The following RORB variants were observed in gnomAD, a reference collection of about 807,000 sequenced individuals.
The protein encoded by RORB is RAR related orphan receptor B, also known as nuclear receptor ROR-beta.
In RORB, 6 loss-of-function variants were observed where a neutral mutation model predicts 59.1. The observed-to-expected ratio is 0.10, with a 90% CI of 0.06 to 0.20. RORB has a LOEUF of 0.20. Among genes scored for constraint, RORB ranks in the 10% least tolerant of loss-of-function variants. The probability of loss-of-function intolerance (pLI) is 1.00; values close to 1 mark genes in which losing one functional copy is unlikely to be tolerated. For synonymous variants in RORB, 215 were observed against 204.5 expected (o/e 1.05, Z -0.44); for missense variants, 320 against 560.5 (o/e 0.57, Z 4.33).
intron 1 of RORB, among the ~76,000 whole-genome samples, chr9:74,600,191 A>C (rs1823033224): frequency 6.6e-6 from 1 of 152,212 alleles, no homozygotes; most frequent in Non-Finnish European, 1.5e-5. Context: ...GACTTGTAAA[A>C]GACTAATTCA....
At chr9:74,586,777 C>G (rs957323263) in intron 1 of RORB, among the ~76,000 whole-genome samples, 1 of 152,156 alleles carries the variant, frequency 6.6e-6, no homozygotes, top group Non-Finnish European at 1.5e-5. Context: ...TAGAGTAGAA[C>G]AGGGATTACC....
chr9:74,534,729 C>T (rs555251077), intron 1 of RORB, among the ~76,000 whole-genome samples: 2 of 152,012 alleles, frequency 1.3e-5, no homozygotes, highest in Non-Finnish European at 2.9e-5. Context: ...TGCTGCTGCA[C>T]CCCCTATGGT....
chr9:74,499,394 C>A (rs577140042), intron 1 of RORB, among the ~76,000 whole-genome samples: 37 of 152,290 alleles, frequency 2.4e-4, no homozygotes, highest in Admixed American at 4.6e-4. Context: ...CCGGTGAGCC[C>A]CGAGCCTGGA....
At chr9:74,657,780 GGA>G (rs1824108387) in intron 4 of RORB, among the ~76,000 whole-genome samples, 1 of 152,126 alleles carries the variant, frequency 6.6e-6, no homozygotes, top group Non-Finnish European at 1.5e-5. Flanking sequence ...TGAAGCAGGT[GGA>G]TCACTTAAGG....
intron 1 of RORB, among the ~76,000 whole-genome samples, chr9:74,541,806 G>A (rs1207178440): frequency 1.3e-5 from 2 of 152,176 alleles, no homozygotes; most frequent in Non-Finnish European, 2.9e-5. Context: ...TTCAATAGGT[G>A]TGGGGAGTAC....
chr9:74,653,132 T>C (rs1824022799), intron 4 of RORB, among the ~76,000 whole-genome samples: 1 of 152,070 alleles, frequency 6.6e-6, no homozygotes, highest in Non-Finnish European at 1.5e-5. Flanking sequence ...AAAAGGAAAA[T>C]TGTGTGTGCA....
intron 1 of RORB, among the ~76,000 whole-genome samples, chr9:74,622,358 A>C (rs978255737): frequency 2.0e-5 from 3 of 152,192 alleles, no homozygotes; most frequent in African/African-American, 7.2e-5. Flanking sequence ...ACATGTCTTC[A>C]TATAGAGAGC....
intron 1 of RORB, among the ~76,000 whole-genome samples, chr9:74,618,901 T>C (rs1177613129): frequency 6.6e-6 from 1 of 152,200 alleles, no homozygotes; most frequent in Non-Finnish European, 1.5e-5. Flanking sequence ...TCAAGTATTC[T>C]GGAAAATAAT....
At chr9:74,593,868 A>G (rs1822936024) in intron 1 of RORB, among the ~76,000 whole-genome samples, 1 of 152,230 alleles carries the variant, frequency 6.6e-6, no homozygotes, top group East Asian at 1.9e-4. Context: ...ACATTTCTAC[A>G]TACCTCAAAA....
At chr9:74,654,745 T>C (rs1389618747) in intron 4 of RORB, among the ~76,000 whole-genome samples, 2 of 152,228 alleles carry the variant, frequency 1.3e-5, no homozygotes, top group Admixed American at 6.5e-5. Context: ...TATAAAGTTA[T>C]AAATTCTGTT....
At chr9:74,617,244 G>GT (rs1246584877) in intron 1 of RORB, among the ~76,000 whole-genome samples, 5 of 152,138 alleles carry the variant, frequency 3.3e-5, no homozygotes, top group Non-Finnish European at 7.4e-5. Flanking sequence ...TGGAACAACC[G>GT]TAAGTATCTC....
intron 4 of RORB, among the ~76,000 whole-genome samples, chr9:74,648,451 T>C (rs1175715614): frequency 6.6e-6 from 1 of 152,218 alleles, no homozygotes. Context: ...GCTTTGGTCA[T>C]GTGCATTAAT....
chr9:74,683,773 G>T (rs1424313161), intron 9 of RORB, among the ~76,000 whole-genome samples: 1 of 152,024 alleles, frequency 6.6e-6, no homozygotes, highest in Admixed American at 6.5e-5. Context: ...ATTCTTCTTT[G>T]GCACTCACCA....
intron 1 of RORB, among the ~76,000 whole-genome samples, chr9:74,587,015 A>G (rs980153970): frequency 1.3e-5 from 2 of 152,222 alleles, no homozygotes; most frequent in African/African-American, 4.8e-5. Flanking sequence ...ACTGCCTTAC[A>G]GATCAGATTG....
intron 1 of RORB, among the ~76,000 whole-genome samples, chr9:74,612,239 A>G (rs1205061481): frequency 2.6e-5 from 4 of 152,058 alleles, no homozygotes; most frequent in Admixed American, 6.6e-5. Context: ...GCTGTCAGGA[A>G]GTTCAAGGAG....
intron 4 of RORB, among the ~76,000 whole-genome samples, chr9:74,655,140 ACAAAC>A (rs889857796): frequency 5.9e-5 from 9 of 152,358 alleles, no homozygotes; most frequent in Middle Eastern, 6.8e-3. Flanking sequence ...AGTAAATTGA[ACAAAC>A]CTCTGTCTCA....
At chr9:74,538,584 T>C (rs1006532086) in intron 1 of RORB, among the ~76,000 whole-genome samples, 2 of 152,118 alleles carry the variant, frequency 1.3e-5, no homozygotes, top group East Asian at 1.9e-4. Context: ...TTATTATTTA[T>C]TAGCAATTAT....
chr9:74,598,923 CAAA>C, intron 1 of RORB, among the ~76,000 whole-genome samples: 1 of 152,226 alleles, frequency 6.6e-6, no homozygotes, highest in South Asian at 2.1e-4. Flanking sequence ...AAGAGAGGAC[CAAA>C]CCAGAAGAGG....
intron 1 of RORB, among the ~76,000 whole-genome samples, chr9:74,591,261 G>A (rs943908818): frequency 2.0e-5 from 3 of 152,120 alleles, no homozygotes; most frequent in Non-Finnish European, 2.9e-5. Flanking sequence ...CTAGCTTTAC[G>A]TCACCTTTTA....
Sources: allele counts gnomAD v4.1 joint callset (sites outside exome capture counted in the v4.1 genomes callset), GRCh38; gene constraint gnomAD v4.1.1; transcripts MANE v1.5; gene names NCBI Gene and HGNC (gene_info 2026-07-23, HGNC 2026-07-21).